The following RNF111 variants were observed in gnomAD, a reference collection of about 807,000 sequenced individuals.
RNF111 encodes the protein E3 ubiquitin-protein ligase Arkadia.
RNF111 carries 17 observed loss-of-function variants against 95.1 expected under a neutral mutation model. That is an observed-to-expected ratio of 0.18 (90% CI 0.12 to 0.27). RNF111 has a LOEUF of 0.27. Among genes scored for constraint, RNF111 ranks in the 10% least tolerant of loss-of-function variants. The pLI, the probability that RNF111 is intolerant of heterozygous loss-of-function variation, is 1.00. For missense variants in RNF111, 1,189 were observed against 1,210.4 expected (o/e 0.98, Z 0.26); for synonymous variants, 440 against 414.8 (o/e 1.06, Z -0.74).
chr15:59,000,309 A>G (rs2141435222), intron 1 of RNF111, among the ~76,000 whole-genome samples: 1 of 151,924 alleles, frequency 6.6e-6, no homozygotes, highest in African/African-American at 2.4e-5. Context: ...GACTACAGGC[A>G]TGTACCACCA....
At chr15:59,002,019 T>C (rs539182632) in intron 1 of RNF111, among the ~76,000 whole-genome samples, 1 of 152,232 alleles carries the variant, frequency 6.6e-6, no homozygotes, top group Non-Finnish European at 1.5e-5. Flanking sequence ...CGGAAAATGA[T>C]GATAAAATGG....
At chr15:59,087,286 T>C (rs1055516856) in intron 10 of RNF111, among the ~76,000 whole-genome samples, 2 of 152,202 alleles carry the variant, frequency 1.3e-5, no homozygotes, top group Non-Finnish European at 2.9e-5. Flanking sequence ...TAAATGATAA[T>C]ACTATGCTTT....
At chr15:59,071,885 T>G (rs1490568513) in intron 6 of RNF111, among the ~76,000 whole-genome samples, 1 of 152,112 alleles carries the variant, frequency 6.6e-6, no homozygotes, top group African/African-American at 2.4e-5. Context: ...AATATTGCAA[T>G]AAAGCAAGTC....
At chr15:59,004,054 C>A in intron 1 of RNF111, 1 of 528,226 alleles carries the variant, frequency 1.9e-6, no homozygotes, top group Non-Finnish European at 2.6e-6. Context: ...ATCCTCCTTG[C>A]CGTAGCTGAG....
chr15:59,056,235 A>T (rs1265513706), intron 4 of RNF111, among the ~76,000 whole-genome samples: 1 of 152,208 alleles, frequency 6.6e-6, no homozygotes, highest in East Asian at 1.9e-4. Flanking sequence ...GGCTGTTTGA[A>T]ATGTCTAACT....
At chr15:59,052,569 ATTTTTT>A (rs768761060) in intron 3 of RNF111, 138 bp downstream of exon 3, 64 of 249,086 alleles carry the variant, frequency 2.6e-4, no homozygotes, top group Middle Eastern at 1.3e-3. Flanking sequence ...AGATTAGTGG[ATTTTTT>A]TTTTTTTTTT....
At position 59,051,037 on chromosome 15, in the gene RNF111, G is replaced by A. The variant is rs2041954664; in HGVS notation, c.881-1268G>A. On this transcript the variant is annotated intron_variant, in intron 2 of 13. Transcript: ENST00000348370. ...AATGTCATAACAAAAATCAGTTCTA[G>A]ATACAGTAATATAAAGAATATTAAA... Among the ~76,000 whole-genome samples the A allele has an allele frequency of 2.0e-5, 3 of 152,174 alleles. No homozygotes were observed. The South Asian group carries it at 6.2e-4, about 32-fold the overall frequency.
At chr15:59,092,335 T>A (rs1481307956) in intron 12 of RNF111, among the ~76,000 whole-genome samples, 1 of 152,228 alleles carries the variant, frequency 6.6e-6, no homozygotes, top group African/African-American at 2.4e-5. Context: ...TTGATCCCAA[T>A]TATTAGAGGG....
chr15:59,080,013 A>C (rs1457940021), intron 7 of RNF111, among the ~76,000 whole-genome samples: 1 of 152,104 alleles, frequency 6.6e-6, no homozygotes, highest in Non-Finnish European at 1.5e-5. Flanking sequence ...AATTCTGAGA[A>C]CACATACAAG....
chr15:58,991,636 C>T (rs1473510619), intron 1 of RNF111, among the ~76,000 whole-genome samples: 1 of 152,160 alleles, frequency 6.6e-6, no homozygotes, highest in East Asian at 1.9e-4. Flanking sequence ...AAAAATCAGC[C>T]ATAGTGACGA....
intron 8 of RNF111, 99 bp downstream of exon 8, chr15:59,081,383 A>C: frequency 2.0e-6 from 2 of 997,762 alleles, no homozygotes; most frequent in Middle Eastern, 2.4e-4. Context: ...GGTGGCATGC[A>C]CTTGTAGTCA....
chr15:59,022,208 T>C (rs1404646118), intron 1 of RNF111, among the ~76,000 whole-genome samples: 1 of 152,150 alleles, frequency 6.6e-6, no homozygotes, highest in East Asian at 1.9e-4. Context: ...CTAATTAACC[T>C]TGAAATTTTC....
At position 59,095,647 on chromosome 15, in the gene RNF111, C is replaced by T. The variant is rs1395705323; in HGVS notation, c.*747C>T. 5.5e-6 allele frequency: 1 copy of T among 182,840 alleles called. No homozygotes were observed. Among genetic ancestry groups the T allele is most frequent in the African/African-American group, 2.3e-5 (1 of 42,780 alleles). The allele number at this position is 182,840 out of a possible 1,614,324, so 11.3% of individuals were successfully genotyped here. A position where few individuals can be genotyped will look rare whatever the true frequency, so the allele number is the denominator to read the frequency against. ...CTACATCATTTAGAATTTTATTTCC[C>T]TGATTCAGTTTTTGCTGCTGTGAAA... On this transcript the variant is annotated 3_prime_UTR_variant, in exon 14 of 14. Transcript: ENST00000348370.
intron 2 of RNF111, among the ~76,000 whole-genome samples, chr15:59,032,069 G>A (rs2040938426): frequency 1.3e-5 from 2 of 151,948 alleles, no homozygotes; most frequent in Non-Finnish European, 2.9e-5. Flanking sequence ...CTCCCAAGTA[G>A]CCAGGATTAC....
At chr15:59,086,080 A>G (rs2078891559) in intron 10 of RNF111, among the ~76,000 whole-genome samples, 1 of 152,078 alleles carries the variant, frequency 6.6e-6, no homozygotes, top group Non-Finnish European at 1.5e-5. Flanking sequence ...ATTTTGCCGT[A>G]AGTGGTAATA....
rs1357761335 is a variant in RNF111 at position 59,031,769 on chromosome 15, T to C, written c.880+67T>C. The stretch of plus-strand genomic sequence containing the variant: ...TTGCATTTGTGCTTAATTTTTTGTT[T>C]GTGTCTTACTGATTTTATTTAAAGG... On this transcript the variant is annotated intron_variant, in intron 2 of 13. Transcript: ENST00000348370. The C allele has an allele frequency of 4.3e-6, 6 of 1,388,232 alleles. No individual in the cohort carries two copies. The African/African-American group carries it at 7.2e-5, about 17-fold the overall frequency. The allele number at this position is 1,388,232 out of a possible 1,614,324, so 86.0% of individuals were successfully genotyped here. A position where few individuals can be genotyped will look rare whatever the true frequency, so the allele number is the denominator to read the frequency against.
At chr15:59,026,608 A>G (rs1258765335) in intron 1 of RNF111, among the ~76,000 whole-genome samples, 1 of 152,206 alleles carries the variant, frequency 6.6e-6, no homozygotes, top group East Asian at 1.9e-4. Context: ...TTAGAATATT[A>G]TCTGTTATAT....
At chr15:59,028,372 CAT>C (rs1268180687) in intron 1 of RNF111, among the ~76,000 whole-genome samples, 1 of 152,032 alleles carries the variant, frequency 6.6e-6, no homozygotes, top group Non-Finnish European at 1.5e-5. Flanking sequence ...TGCCTGAAAC[CAT>C]ATAGTGTTTT....
intron 6 of RNF111, among the ~76,000 whole-genome samples, chr15:59,070,056 TTTTAG>T (rs2042848149): frequency 8.6e-6 from 1 of 115,734 alleles, no homozygotes; most frequent in Non-Finnish European, 1.8e-5. Flanking sequence ...TTTTTTTTTT[TTTTAG>T]AGAGGATCTT....
Sources: gnomAD v4.1 joint callset for allele counts (sites outside exome capture counted in the v4.1 genomes callset) on GRCh38, gnomAD v4.1.1 for gene constraint, MANE v1.5 for transcripts, NCBI Gene and HGNC (gene_info 2026-07-23, HGNC 2026-07-21) for gene names.